YIPF5: variants seen among roughly 807,000 people sequenced by gnomAD.
YIPF5 encodes the protein Yip1 domain family member 5, also known as protein YIPF5.
YIPF5 carries 8 observed loss-of-function variants against 30.4 expected under a neutral mutation model. The ratio of observed to expected loss-of-function variants is 0.26; its 90% CI spans 0.15 to 0.47. The LOEUF is 0.47. YIPF5 is among the 20% of genes least tolerant of loss of function. YIPF5 has a pLI of 0.99. For synonymous variants in YIPF5, 104 were observed against 107.9 expected (o/e 0.96, Z 0.23); for missense variants, 282 against 301.8 (o/e 0.93, Z 0.49).
chr5:144,169,180 G>A (rs1022399503), intron 2 of YIPF5, among the ~76,000 whole-genome samples: 1 of 152,150 alleles, frequency 6.6e-6, no homozygotes, highest in South Asian at 2.1e-4. Context: ...TTTTAGGTGA[G>A]ATTGCTAGAA....
At chr5:144,166,390 C>T (rs188314566) in intron 2 of YIPF5, among the ~76,000 whole-genome samples, 1 of 152,204 alleles carries the variant, frequency 6.6e-6, no homozygotes, top group Admixed American at 6.5e-5. Flanking sequence ...CGCATCTGTT[C>T]CATCATGTTT....
chr5:144,165,753 G>A, intron 2 of YIPF5, 149 bp from the exon 3 acceptor site: 4 of 652,218 alleles, frequency 6.1e-6, no homozygotes, highest in South Asian at 2.7e-5. Flanking sequence ...TATAAATCAT[G>A]GTTGAAATGA....
At chr5:144,169,294 A>G (rs868132360) in intron 2 of YIPF5, among the ~76,000 whole-genome samples, 1 of 152,226 alleles carries the variant, frequency 6.6e-6, no homozygotes. Flanking sequence ...CCTCCTCAGT[A>G]TGCAACTTAT....
intron 1 of YIPF5, 116 bp from the exon 2 acceptor site, chr5:144,170,081 G>A: frequency 2.6e-6 from 2 of 763,206 alleles, no homozygotes; most frequent in African/African-American, 1.7e-5. Flanking sequence ...GTAATTCGGA[G>A]AGGGGATGGG....
chr5:144,164,388 T>C, intron 3 of YIPF5, 132 bp from the exon 4 acceptor site: 2 of 779,748 alleles, frequency 2.6e-6, no homozygotes, highest in Admixed American at 6.1e-5. Context: ...ATGATATTAT[T>C]ATTATTATAA....
At position 144,158,536 on chromosome 5, in the gene YIPF5, T is replaced by C. The variant is rs190171252; in HGVS notation, c.*1861A>G. ...AGATAATTTTAATTTCCAAAGCATC[T>C]TCTACCGTTTATTAGCAATATTTGG... is the stretch of plus-strand genomic sequence containing the variant. On this transcript the variant is annotated 3_prime_UTR_variant, in exon 6 of 6. Coordinates refer to ENST00000274496, the MANE Select transcript of YIPF5 (RefSeq NM_030799.9). 7.9e-3 allele frequency: 9,570 copies of C among 1,205,260 alleles called. 55 individuals carry two copies. Among genetic ancestry groups the C allele is most frequent in the Non-Finnish European group, 9.1e-3 (8,749 of 956,246 alleles). 74.7% of individuals were successfully genotyped at this position (1,205,260 alleles called of 1,614,324 possible).
rs747329571 is a variant in YIPF5 at position 144,158,497 on chromosome 5, T to G, written c.*1900A>C. The G allele has an allele frequency of 8.9e-6, 11 of 1,234,754 alleles. No homozygotes were observed. In the Admixed American group the frequency reaches 2.8e-4, roughly 31 times the overall value. The allele number at this position is 1,234,754 out of a possible 1,614,324, so 76.5% of individuals were successfully genotyped here. A position where few individuals can be genotyped will look rare whatever the true frequency, so the allele number is the denominator to read the frequency against. ...TTGGCTGAAGATTAACAGTGTTAAG[T>G]CTAACCAACAGCGAGATAATTTTAA... On this transcript the variant is annotated 3_prime_UTR_variant, in exon 6 of 6. Transcript: ENST00000274496.
intron 1 of YIPF5, 123 bp from the exon 2 acceptor site, chr5:144,170,088 T>G: frequency 2.4e-5 from 17 of 708,930 alleles, no homozygotes; most frequent in Middle Eastern, 4.9e-4. Context: ...GGAGAGGGGA[T>G]GGGGGCGGAA....
Position 144,158,668 on chromosome 5 carries a change from G to A in YIPF5, c.*1729C>T. 1 of 1,029,622 alleles carries A rather than the reference G, an allele frequency of 9.7e-7. No individual in the cohort carries two copies. Among genetic ancestry groups the A allele is most frequent in the South Asian group, 3.4e-5 (1 of 29,272 alleles). 63.8% of individuals were successfully genotyped at this position (1,029,622 alleles called of 1,614,324 possible). A position where few individuals can be genotyped will look rare whatever the true frequency, so the allele number is the denominator to read the frequency against. On this transcript the variant is annotated 3_prime_UTR_variant, in exon 6 of 6. Coordinates refer to ENST00000274496, the MANE Select transcript of YIPF5 (RefSeq NM_030799.9). ...GAATTACAATAAAAAATTTGGTTAA[G>A]TTGGAAAGCCTATCAAATTACCTTC...
rs1561514016 is a variant in YIPF5 at position 144,164,099 on chromosome 5, T to C, written c.429+12A>G. 2 of 1,606,748 alleles carry C rather than the reference T, an allele frequency of 1.2e-6. No individual in the cohort carries two copies. The highest frequency in any genetic ancestry group is 2.2e-5 in the East Asian group (1 of 44,818). ...TTTAATTGCACCCTGAAGGTTGAAA[T>C]GAAAATCTTACCAGTAGCAATGTGG... On this transcript the variant is annotated intron_variant, in intron 4 of 5. Transcript: ENST00000274496.
intron 2 of YIPF5, among the ~76,000 whole-genome samples, chr5:144,169,337 AAGG>A (rs1580760949): frequency 6.6e-6 from 1 of 152,310 alleles, no homozygotes; most frequent in Non-Finnish European, 1.5e-5. Context: ...AGGGTTTGAG[AAGG>A]AGGAGTAATA....
rs567336527 is a variant in YIPF5 at position 144,160,780 on chromosome 5, T to A, written c.612-221A>T. Among the ~76,000 whole-genome samples, 85 of 152,320 alleles carry A rather than the reference T, an allele frequency of 5.6e-4. No individual in the cohort carries two copies. The South Asian group carries it at 0.017, about 31-fold the overall frequency. ...TCATTTCATGGGATAAACAGCTTTT[T>A]TAGAACTATGTTTTACTTTTTAAAA... On this transcript the variant is annotated intron_variant, in intron 5 of 5. Coordinates refer to ENST00000274496, the MANE Select transcript of YIPF5 (RefSeq NM_030799.9).
Position 144,160,092 on chromosome 5 carries a change from C to A in YIPF5, c.*305G>T. On this transcript the variant is annotated 3_prime_UTR_variant, in exon 6 of 6. Coordinates refer to ENST00000274496, the MANE Select transcript of YIPF5 (RefSeq NM_030799.9). ...TTGGTTTCCCACAGTTGATAAAAAT[C>A]TATCAAAAACATTATAATTTGCAAG... The A allele has an allele frequency of 9.7e-7, 1 of 1,034,314 alleles. No individual in the cohort carries two copies. The highest frequency in any genetic ancestry group is 1.2e-6 in the Non-Finnish European group (1 of 862,814). The allele number at this position is 1,034,314 out of a possible 1,614,324, so 64.1% of individuals were successfully genotyped here.
At position 144,168,795 on chromosome 5, in the gene YIPF5, G is replaced by A. The variant is rs530256501; in HGVS notation, c.110+1051C>T. On this transcript the variant is annotated intron_variant, in intron 2 of 5. Transcript: ENST00000274496. ...ACTATTACAGAGCCACAGTGAATTT[G>A]AATTTTGTTTTGTTTTTTAAATTCT... Among the ~76,000 whole-genome samples, 26 of 152,262 alleles carry A rather than the reference G, an allele frequency of 1.7e-4. No homozygotes were observed. The South Asian group carries it at 4.3e-3, about 25-fold the overall frequency.
intron 4 of YIPF5, among the ~76,000 whole-genome samples, chr5:144,163,693 A>C (rs1176988022): frequency 6.6e-6 from 1 of 152,128 alleles, no homozygotes; most frequent in East Asian, 1.9e-4. Flanking sequence ...GAAAATAATT[A>C]TATAGAAAAG....
chr5:144,162,250 T>C lies in YIPF5; in HGVS notation c.579A>G (p.Leu193=), dbSNP rs767929888. 6.2e-6 allele frequency: 10 copies of C among 1,613,774 alleles called. No homozygotes were observed. Among genetic ancestry groups the C allele is most frequent in the East Asian group, 2.2e-5 (1 of 44,856 alleles). The part of the protein sequence containing the change: ...VLGYCLLPMI[L]LSSFAVIFSL... ...AAAATATCACTGCAAAGCTGGAAAG[T>C]AGGATCATGGGCAGAAGACAATATC... Residue 193 remains leucine (L), a synonymous_variant, in exon 5 of 6, where the codon CTA becomes CTG. Coordinates refer to ENST00000274496, the MANE Select transcript of YIPF5 (RefSeq NM_030799.9).
In YIPF5 at chr5:144,169,856, G is replaced by T. The variant is rs565761736; in HGVS notation, c.100C>A (p.Pro34Thr). ...AAGATGAAAAGTTACTTGCTATAGGGTCCTCCACTTCCTCCATAATCATAG... is the reference window on the plus strand; with the variant it reads ...AAGATGAAAAGTTACTTGCTATAGGTTCCTCCACTTCCTCCATAATCATAG... The part of the protein sequence containing the change: ...QSYDYGGSGG[P>T]YSKQYAGYDY... The change falls in exon 2 of 6, where the codon CCC becomes ACC. Residue 34 changes from proline (P) to threonine (T), a missense_variant. Pro to Thr is a conservative substitution (Grantham distance 38). Transcript: ENST00000274496. 8.7e-6 allele frequency: 14 copies of T among 1,613,640 alleles called. No homozygotes were observed. The South Asian group carries it at 1.5e-4, about 18-fold the overall frequency.
chr5:144,167,988 C>A (rs867442166), intron 2 of YIPF5, among the ~76,000 whole-genome samples: 12 of 152,140 alleles, frequency 7.9e-5, no homozygotes, highest in South Asian at 2.1e-4. Flanking sequence ...CAAAATAAAT[C>A]TCAGAAACTC....
rs772165805 is a variant in YIPF5, at chr5:144,160,414, G to C, written c.757C>G (p.Leu253Val). The C allele has an allele frequency of 6.2e-7, 1 of 1,613,370 alleles. No homozygotes were observed. The highest frequency in any genetic ancestry group is 1.7e-5 in the Admixed American group (1 of 59,966). ...PCALLYGVFALISVF is the reference protein window; with the variant it reads ...PCALLYGVFAVISVF Reference sequence around the variant, plus strand: ...ATAAATTTTCAAAAGACGGAAATCAGGGCAAAGACTCCATATAACAAAGCG... The same window carrying C: ...ATAAATTTTCAAAAGACGGAAATCACGGCAAAGACTCCATATAACAAAGCG... Residue 253 changes from leucine (L) to valine (V), a missense_variant, in exon 6 of 6, where the codon CTG becomes GTG. By Grantham distance (32) the Leu-to-Val change is conservative (BLOSUM62 1). Transcript: ENST00000274496.
Sources: allele counts gnomAD v4.1 joint callset (sites outside exome capture counted in the v4.1 genomes callset), GRCh38; gene constraint gnomAD v4.1.1; transcripts MANE v1.5; gene names NCBI Gene and HGNC (gene_info 2026-07-23, HGNC 2026-07-21).